The following FNIP2 variants were observed in gnomAD, a reference collection of about 807,000 sequenced individuals.
FNIP2 encodes folliculin-interacting protein 2.
Under a neutral mutation model 108.7 loss-of-function variants are expected in FNIP2, and 32 were observed. That is an observed-to-expected ratio of 0.29 (90% CI 0.22 to 0.40). The LOEUF (loss-of-function observed/expected upper bound fraction) is 0.40, where lower values mean the gene tolerates loss of function less well. Among genes scored for constraint, FNIP2 ranks in the 10% least tolerant of loss-of-function variants. The pLI, the probability that FNIP2 is intolerant of heterozygous loss-of-function variation, is 1.00. For missense variants in FNIP2, 1,202 were observed against 1,381.6 expected (o/e 0.87, Z 2.06); for synonymous variants, 480 against 496.7 (o/e 0.97, Z 0.45).
chr4:158,876,136 G>A (rs1339645576), intron 14 of FNIP2, among the ~76,000 whole-genome samples: 1 of 152,210 alleles, frequency 6.6e-6, no homozygotes, highest in Middle Eastern at 3.4e-3. Context: ...TGATCTCTGG[G>A]TATCCCCAAC....
intron 1 of FNIP2, among the ~76,000 whole-genome samples, chr4:158,817,130 T>A (rs1163375432): frequency 6.6e-6 from 1 of 151,956 alleles, no homozygotes; most frequent in Non-Finnish European, 1.5e-5. Context: ...CCTCTGTGGG[T>A]TTTTTAAGCA....
intron 1 of FNIP2, among the ~76,000 whole-genome samples, chr4:158,786,811 G>A (rs1776239262): frequency 6.6e-6 from 1 of 152,060 alleles, no homozygotes; most frequent in South Asian, 2.1e-4. Flanking sequence ...TTTTATGTAG[G>A]GTTTCTTTGT....
At position 158,869,200 on chromosome 4, in the gene FNIP2, C is replaced by G. The variant is rs148397580; in HGVS notation, c.2564C>G (p.Pro855Arg). 955 of 1,614,046 alleles carry G rather than the reference C, an allele frequency of 5.9e-4. No homozygotes were observed. The highest frequency in any genetic ancestry group is 1.2e-3 in the South Asian group (109 of 91,084). ...GGACCTGTGCTGGAGCCTGTTGCCC[C>G]CAGGTGTGTCCAGCGGGGCCCTGGC... ...AEGPVLEPVAPRCVQRGPGLV... is the reference protein window; with the variant it reads ...AEGPVLEPVARRCVQRGPGLV... The change falls in exon 13 of 17, where the codon CCC becomes CGC. Residue 855 changes from proline to arginine, a missense_variant. Coordinates refer to ENST00000264433, the MANE Select transcript of FNIP2 (RefSeq NM_020840.3).
chr4:158,833,530 T>C lies in FNIP2; in HGVS notation c.557T>C (p.Leu186Ser). ...MGSFCGSTNNLQDSFEYINQD... is the reference protein window; with the variant it reads ...MGSFCGSTNNSQDSFEYINQD... ...TTCCCCCCCATCTCCGGATATAGCT[T>C]GCAAGACAGCTTTGAGTACATCAAC... The change falls in exon 6 of 17, where the codon TTG becomes TCG. Residue 186 changes from leucine (L) to serine (S), a missense_variant and splice_region_variant. This residue lies in a region of FNIP2 where 878 missense variants were observed against 990.3 expected (regional missense o/e 0.89). Transcript: ENST00000264433. The C allele has an allele frequency of 1.3e-6, 2 of 1,588,204 alleles. No individual in the cohort carries two copies. Among genetic ancestry groups the C allele is most frequent in the Non-Finnish European group, 1.7e-6 (2 of 1,169,990 alleles).
At chr4:158,873,235 C>A (rs1781062560) in intron 14 of FNIP2, among the ~76,000 whole-genome samples, 1 of 151,634 alleles carries the variant, frequency 6.6e-6, no homozygotes, top group African/African-American at 2.4e-5. Flanking sequence ...ACTCATAATT[C>A]TTTTTAGAGA....
intron 1 of FNIP2, among the ~76,000 whole-genome samples, chr4:158,780,043 A>T (rs955164299): frequency 5.3e-5 from 8 of 151,904 alleles, no homozygotes; most frequent in African/African-American, 1.9e-4. Context: ...CCCCATCTCT[A>T]CAAAATAAAA....
intron 1 of FNIP2, among the ~76,000 whole-genome samples, chr4:158,801,151 C>T (rs1246086411): frequency 6.6e-6 from 1 of 152,032 alleles, no homozygotes; most frequent in Non-Finnish European, 1.5e-5. Flanking sequence ...CTTTCCCTAG[C>T]TGAAGTGCTG....
chr4:158,790,188 T>C (rs978517347), intron 1 of FNIP2, among the ~76,000 whole-genome samples: 1 of 151,564 alleles, frequency 6.6e-6, no homozygotes, highest in African/African-American at 2.4e-5. Context: ...ATAATGTGTA[T>C]ACAAATATTC....
intron 7 of FNIP2, chr4:158,836,463 A>AT (rs904824765): frequency 5.9e-5 from 9 of 152,106 alleles, no homozygotes; most frequent in Non-Finnish European, 8.8e-5. Flanking sequence ...TTTGGTGTTC[A>AT]TAATCTTTTC....
intron 14 of FNIP2, among the ~76,000 whole-genome samples, chr4:158,885,846 T>A (rs1781998893): frequency 6.6e-6 from 1 of 152,248 alleles, no homozygotes; most frequent in African/African-American, 2.4e-5. Flanking sequence ...TGCTGTCATC[T>A]TATTGTTGCC....
At chr4:158,890,362 A>C (rs758980705) in intron 14 of FNIP2, 15 of 984,964 alleles carry the variant, frequency 1.5e-5, no homozygotes, top group African/African-American at 3.5e-5. Context: ...CCCCTTGGAT[A>C]ATAGTAGGAA....
At position 158,869,348 on chromosome 4, in the gene FNIP2, C is replaced by G. The variant is rs751854993; in HGVS notation, c.2712C>G (p.Ala904=). 1.9e-6 allele frequency: 3 copies of G among 1,613,006 alleles called. No individual in the cohort carries two copies. Among genetic ancestry groups the G allele is most frequent in the African/African-American group, 2.7e-5 (2 of 74,874 alleles). ...DSALGDSDDE[A]CASAMLDLGH... is the part of the protein sequence containing the mutation. ...CCCTGGGAGACAGTGACGACGAAGC[C>G]TGCGCTTCAGCCATGCTAGATCTGG... Residue 904 remains alanine, a synonymous_variant, in exon 13 of 17, where the codon GCC becomes GCG. Transcript: ENST00000264433.
intron 14 of FNIP2, chr4:158,872,531 TG>T (rs1252750484): frequency 6.1e-6 from 6 of 985,310 alleles, no homozygotes; most frequent in Non-Finnish European, 7.2e-6. Context: ...TGTCAAATTG[TG>T]GGTACATCCA....
chr4:158,859,115 G>A lies in FNIP2; in HGVS notation c.916G>A (p.Val306Ile). 6.2e-7 allele frequency: 1 copy of A among 1,614,002 alleles called. No individual in the cohort carries two copies. Among genetic ancestry groups the A allele is most frequent in the Non-Finnish European group, 8.5e-7 (1 of 1,179,878 alleles). The change falls in exon 9 of 17, where the codon GTT (valine) becomes ATT (isoleucine). Residue 306 changes from valine to isoleucine, a missense_variant. Val to Ile is a conservative substitution (Grantham distance 29, BLOSUM62 3). Around this residue, in one of 5 missense-constraint regions of FNIP2, gnomAD observed 878 missense variants for 990.3 expected, o/e 0.89. Coordinates refer to ENST00000264433, the MANE Select transcript of FNIP2 (RefSeq NM_020840.3). ...EETCSSNPAM[V>I]RRKKIAISII... Reference sequence around the variant, plus strand: ...AACCTGTAGCTCTAATCCAGCTATGGTTAGGAGGAAGAAAATTGCCATAAG... The same window carrying A: ...AACCTGTAGCTCTAATCCAGCTATGATTAGGAGGAAGAAAATTGCCATAAG...
intron 1 of FNIP2, among the ~76,000 whole-genome samples, chr4:158,819,811 T>C (rs1200562370): frequency 2.0e-5 from 3 of 152,254 alleles, no homozygotes; most frequent in Non-Finnish European, 4.4e-5. Context: ...AGGGTGTAAC[T>C]CTTTGGGTCT....
At chr4:158,880,529 A>T (rs1249518252) in intron 14 of FNIP2, among the ~76,000 whole-genome samples, 1 of 152,228 alleles carries the variant, frequency 6.6e-6, no homozygotes, top group Non-Finnish European at 1.5e-5. Context: ...GACATGGCAC[A>T]TGTATACATA....
chr4:158,891,490 C>T lies in FNIP2; in HGVS notation c.2994C>T (p.Ile998=), dbSNP rs770384531. The change falls in exon 15 of 17, where the codon ATC becomes ATT. Residue 998 remains isoleucine, a synonymous_variant. Transcript: ENST00000264433. The part of the protein sequence containing the change: ...DEPIAEAVCI[I]ADTDKWSVQV... ...CAATAGCTGAAGCTGTCTGTATTAT[C>T]GCAGACACGGATAAATGGAGTGTGC... The T allele has an allele frequency of 4.4e-6, 7 of 1,607,734 alleles. No individual in the cohort carries two copies. Among genetic ancestry groups the T allele is most frequent in the African/African-American group, 2.7e-5 (2 of 74,812 alleles).
chr4:158,869,379 G>C lies in FNIP2; in HGVS notation c.2743G>C (p.Gly915Arg). 6.2e-7 allele frequency: 1 copy of C among 1,610,502 alleles called. No homozygotes were observed. Among genetic ancestry groups the C allele is most frequent in the Admixed American group, 1.7e-5 (1 of 59,576 alleles). ...TTCAGCCATGCTAGATCTGGGTCAC[G>C]GTGGTGACAGGACTGGAGGGTCCTT... Reference protein sequence around the residue: ...CASAMLDLGHGGDRTGGSLEV... With the variant: ...CASAMLDLGHRGDRTGGSLEV... The change falls in exon 13 of 17, where the codon GGT becomes CGT. Residue 915 changes from glycine to arginine, a missense_variant. Around this residue, in one of 5 missense-constraint regions of FNIP2, gnomAD observed 878 missense variants for 990.3 expected, o/e 0.89. Coordinates refer to ENST00000264433, the MANE Select transcript of FNIP2 (RefSeq NM_020840.3).
At chr4:158,785,006 G>A (rs145585435) in intron 1 of FNIP2, among the ~76,000 whole-genome samples, 114 of 151,296 alleles carry the variant, frequency 7.5e-4, no homozygotes, top group African/African-American at 1.9e-3. Context: ...GTTTAAATAC[G>A]TTTATTTGAA....
Sources: gnomAD v4.1 joint callset for allele counts (sites outside exome capture counted in the v4.1 genomes callset) on GRCh38, gnomAD v4.1.1 for gene constraint, gnomAD v4.1.1 regional missense constraint, MANE v1.5 for transcripts, NCBI Gene and HGNC (gene_info 2026-07-23, HGNC 2026-07-21) for gene names.